The following TAS2R1 variants were observed in gnomAD, a reference collection of about 807,000 sequenced individuals.
TAS2R1 encodes taste receptor type 2 member 1.
For synonymous variants in TAS2R1, 141 were observed against 134.2 expected, an observed-to-expected ratio of 1.05 and a Z score of -0.35; for missense variants, 370 against 353.4, an observed-to-expected ratio of 1.05 and a Z score of -0.38.
chr5:9,870,133 T>G, the TAS2R1 span: 1 of 152,342 alleles, frequency 6.6e-6, no homozygotes, highest in East Asian at 1.9e-4. Context: ...CCCTTGCAAG[T>G]GCATGACTTT....
chr5:9,673,499 T>C (rs2126504511), intron 1 of TAS2R1, among the ~76,000 whole-genome samples: 1 of 152,192 alleles, frequency 6.6e-6, no homozygotes, highest in Admixed American at 6.5e-5. Flanking sequence ...CATATTTGTA[T>C]CTAAGTGGCT....
chr5:9,882,493 G>A, the TAS2R1 span, among the ~76,000 whole-genome samples: 1 of 152,138 alleles, frequency 6.6e-6, no homozygotes, highest in East Asian at 1.9e-4. Context: ...GGACATGGTG[G>A]CAGGTGCCTG....
At chr5:9,714,579 C>G (rs2126535554), upstream of TAS2R1, among the ~76,000 whole-genome samples, 1 of 152,228 alleles carries the variant, frequency 6.6e-6, no homozygotes, top group Non-Finnish European at 1.5e-5. Context: ...TTTGGAGGAT[C>G]AATATGAAAA....
intron 1 of TAS2R1, among the ~76,000 whole-genome samples, chr5:9,683,945 G>A (rs1321199124): frequency 6.6e-6 from 1 of 152,150 alleles, no homozygotes; most frequent in Non-Finnish European, 1.5e-5. Context: ...TTTGTTACAA[G>A]AATGAAGGAA....
At chr5:9,873,961 A>C in the TAS2R1 span, among the ~76,000 whole-genome samples, 1 of 144,510 alleles carries the variant, frequency 6.9e-6, no homozygotes, top group Admixed American at 6.8e-5. Flanking sequence ...GAAAGAAAAG[A>C]GAGAGAGAGA....
At chr5:9,780,026 T>C in the TAS2R1 span, among the ~76,000 whole-genome samples, 6 of 152,220 alleles carry the variant, frequency 3.9e-5, no homozygotes, top group African/African-American at 1.2e-4. Context: ...GTGTGCCACA[T>C]ACCCTGTGAC....
At chr5:9,855,609 G>A in the TAS2R1 span, among the ~76,000 whole-genome samples, 1 of 152,198 alleles carries the variant, frequency 6.6e-6, no homozygotes, top group East Asian at 1.9e-4. Flanking sequence ...AAAGCAGAAG[G>A]AAGTGCAGAG....
the TAS2R1 span, among the ~76,000 whole-genome samples, chr5:9,770,427 A>G: frequency 6.6e-6 from 1 of 151,958 alleles, no homozygotes; most frequent in Non-Finnish European, 1.5e-5. Context: ...AAATTTTAGG[A>G]TTGTTTTTTC....
the TAS2R1 span, among the ~76,000 whole-genome samples, chr5:9,783,653 A>C: frequency 6.2e-3 from 937 of 152,344 alleles, 10 homozygotes; most frequent in African/African-American, 0.022. Flanking sequence ...TTTTAATGGA[A>C]TAAGAATATT....
At chr5:9,851,054 C>T in the TAS2R1 span, among the ~76,000 whole-genome samples, 1 of 152,252 alleles carries the variant, frequency 6.6e-6, no homozygotes, top group Non-Finnish European at 1.5e-5. Flanking sequence ...TTTTCAGGAG[C>T]AGCTAAATCC....
the TAS2R1 span, among the ~76,000 whole-genome samples, chr5:9,899,448 C>T: frequency 3.3e-5 from 5 of 152,180 alleles, no homozygotes; most frequent in East Asian, 7.7e-4. Flanking sequence ...ACCAGCCTAA[C>T]CAATATGGTG....
intron 2 of TAS2R1, among the ~76,000 whole-genome samples, chr5:9,654,771 T>C (rs1740376837): frequency 6.6e-6 from 1 of 152,176 alleles, no homozygotes; most frequent in Non-Finnish European, 1.5e-5. Flanking sequence ...TTAGTAAAGA[T>C]ACAGAACAAT....
chr5:9,901,766 T>C, the TAS2R1 span, among the ~76,000 whole-genome samples: 1 of 152,158 alleles, frequency 6.6e-6, no homozygotes. Context: ...GGAAGTCAGA[T>C]TGTTCTATTT....
chr5:9,833,990 G>A, the TAS2R1 span, among the ~76,000 whole-genome samples: 4 of 152,314 alleles, frequency 2.6e-5, no homozygotes, highest in Admixed American at 6.5e-5. Flanking sequence ...GTAAGCAGGC[G>A]ATTCCTGTCT....
intron 2 of TAS2R1, among the ~76,000 whole-genome samples, chr5:9,655,032 A>G (rs1267259789): frequency 2.6e-5 from 4 of 152,232 alleles, no homozygotes; most frequent in Non-Finnish European, 5.9e-5. Flanking sequence ...TGCATTAGGA[A>G]GAAGGCCAGA....
chr5:9,843,192 G>A, the TAS2R1 span, among the ~76,000 whole-genome samples: 1 of 152,030 alleles, frequency 6.6e-6, no homozygotes, highest in Non-Finnish European at 1.5e-5. Context: ...TTTTCCCTCT[G>A]GATTATTTGT....
the TAS2R1 span, among the ~76,000 whole-genome samples, chr5:9,799,655 T>C: frequency 6.6e-6 from 1 of 152,222 alleles, no homozygotes; most frequent in South Asian, 2.1e-4. Context: ...TTAGGGGGCA[T>C]AATTCTCCCA....
chr5:9,717,186 G>A (rs1387047360), upstream of TAS2R1, among the ~76,000 whole-genome samples: 3 of 152,170 alleles, frequency 2.0e-5, no homozygotes, highest in African/African-American at 4.8e-5. Flanking sequence ...TCAGGACTTG[G>A]AGATGCATAG....
the TAS2R1 span, among the ~76,000 whole-genome samples, chr5:9,778,018 C>T: frequency 6.6e-6 from 1 of 152,026 alleles, no homozygotes; most frequent in African/African-American, 2.4e-5. Context: ...GTAGCTGGGA[C>T]TACAGGCGCC....
Sources: gnomAD v4.1 joint callset for allele counts (sites outside exome capture counted in the v4.1 genomes callset) on GRCh38, gnomAD v4.1.1 for gene constraint, MANE v1.5 for transcripts, NCBI Gene and HGNC (gene_info 2026-07-23, HGNC 2026-07-21) for gene names.